Variants in SLC25A26 observed in about 807,000 individuals in gnomAD.
SLC25A26 encodes the protein solute carrier family 25 member 26.
Under a neutral mutation model 37.8 loss-of-function variants are expected in SLC25A26, and 36 were observed. The ratio of observed to expected loss-of-function variants is 0.95; its 90% CI spans 0.73 to 1.26. The LOEUF (loss-of-function observed/expected upper bound fraction) is 1.26. Ranked by LOEUF, SLC25A26 falls within the 50% of genes most tolerant of loss-of-function variation. The pLI, the probability that SLC25A26 is intolerant of heterozygous loss-of-function variation, is 0.00. For synonymous variants in SLC25A26, 129 were observed against 122.5 expected (o/e 1.05, Z -0.35); for missense variants, 390 against 331.1 (o/e 1.18, Z -1.38).
At chr3:66,211,502 T>C (rs2071283215) in intron 1 of SLC25A26, among the ~76,000 whole-genome samples, 1 of 152,244 alleles carries the variant, frequency 6.6e-6, no homozygotes, top group South Asian at 2.1e-4. Flanking sequence ...TTGCGGCTCT[T>C]AATATAGCTT....
rs886650637 is a variant in SLC25A26 at position 66,199,228 on chromosome 3, C to T, written c.-353-21514C>T. ...ACCCTGACACTACCCCTACCCTGAA[C>T]CTGACTCTCACCCTACCTTTACCCT... On this transcript the variant is annotated intron_variant, in intron 1 of 10. Coordinates refer to the SLC25A26 transcript ENST00000676754. Among the ~76,000 whole-genome samples, 3 of 152,058 alleles carry T rather than the reference C, an allele frequency of 2.0e-5. No individual in the cohort carries two copies. In the East Asian group the frequency reaches 5.8e-4, roughly 29 times the overall value.
Position 66,370,593 on chromosome 3 carries a change from G to A in SLC25A26, c.698G>A (p.Gly233Glu), listed in dbSNP as rs1700293864. Residue 233 changes from glycine to glutamate, a missense_variant, in exon 9 of 10, where the codon GGG (glycine) becomes GAG (glutamate). Transcript: ENST00000354883. The stretch of plus-strand genomic sequence containing the variant: ...CTGCATGGGGTCTGGCGGTCACAGG[G>A]GCTGGCAGGGTAAGACGAGGAATGC... ...SVLHGVWRSQGLAGLFAGVFP... is the reference protein window; with the variant it reads ...SVLHGVWRSQELAGLFAGVFP... The A allele has an allele frequency of 1.2e-6, 2 of 1,613,600 alleles. No homozygotes were observed. Among genetic ancestry groups the A allele is most frequent in the East Asian group, 2.2e-5 (1 of 44,864 alleles).
chr3:66,145,266 G>T (rs946424647), intron 1 of SLC25A26, among the ~76,000 whole-genome samples: 1 of 152,132 alleles, frequency 6.6e-6, no homozygotes, highest in African/African-American at 2.4e-5. Context: ...GGCTCATAAG[G>T]TTTGCATGAG....
chr3:66,342,951 A>G (rs2076242994), intron 5 of SLC25A26, among the ~76,000 whole-genome samples: 1 of 152,232 alleles, frequency 6.6e-6, no homozygotes, highest in Admixed American at 6.5e-5. Flanking sequence ...GCCATTTTGT[A>G]ACTTTAGGTG....
chr3:66,205,813 T>C (rs1287768369), intron 1 of SLC25A26, among the ~76,000 whole-genome samples: 2 of 152,176 alleles, frequency 1.3e-5, no homozygotes, highest in Admixed American at 1.3e-4. Context: ...CATTTGTTCA[T>C]AGGGCATCTG....
At chr3:66,153,730 C>T (rs529909498) in intron 1 of SLC25A26, among the ~76,000 whole-genome samples, 1 of 152,300 alleles carries the variant, frequency 6.6e-6, no homozygotes, top group East Asian at 1.9e-4. Context: ...ATATTTCGGG[C>T]TGCTAAAGCC....
intron 3 of SLC25A26, among the ~76,000 whole-genome samples, chr3:66,251,117 A>G (rs1259133371): frequency 2.0e-5 from 3 of 152,120 alleles, no homozygotes; most frequent in Non-Finnish European, 4.4e-5. Context: ...TAAGTTCCAT[A>G]TGTTTGGAGC....
chr3:66,213,557 A>G (rs2071316744), intron 1 of SLC25A26, among the ~76,000 whole-genome samples: 1 of 152,084 alleles, frequency 6.6e-6, no homozygotes, highest in African/African-American at 2.4e-5. Flanking sequence ...CCATACATGC[A>G]CAGCCTATGA....
At chr3:66,170,701 A>G (rs1202400404) in intron 1 of SLC25A26, among the ~76,000 whole-genome samples, 6 of 151,128 alleles carry the variant, frequency 4.0e-5, no homozygotes, top group Non-Finnish European at 8.8e-5. Flanking sequence ...CCATCCATCT[A>G]TAATCCCACA....
At chr3:66,155,025 A>G (rs748050352) in intron 1 of SLC25A26, among the ~76,000 whole-genome samples, 1 of 152,230 alleles carries the variant, frequency 6.6e-6, no homozygotes, top group Non-Finnish European at 1.5e-5. Flanking sequence ...CATTCCTGGT[A>G]CATAGTAGGC....
chr3:66,346,474 G>GAAGAGTAGA lies in SLC25A26; in HGVS notation c.498+68_498+76dup, dbSNP rs55937920. The GAAGAGTAGA allele has an allele frequency of 0.26, 202,437 of 763,956 alleles. 34,163 individuals carry two copies. Among genetic ancestry groups the GAAGAGTAGA allele is most frequent in the East Asian group, 0.63 (20,242 of 32,132 alleles). The allele number at this position is 763,956 out of a possible 1,614,324, so 47.3% of individuals were successfully genotyped here. On this transcript the variant is annotated intron_variant, in intron 6 of 9. Coordinates refer to ENST00000354883, the MANE Select transcript of SLC25A26 (RefSeq NM_001379210.1). The stretch of plus-strand genomic sequence containing the variant: ...TAACATACCTAATAGTTTGAGTGTG[G>GAAGAGTAGA]AAGAGTAGAACATAATGTTGACTAG...
chr3:66,279,302 A>G (rs934282600), intron 5 of SLC25A26, among the ~76,000 whole-genome samples: 4 of 152,036 alleles, frequency 2.6e-5, no homozygotes, highest in African/African-American at 9.7e-5. Context: ...TTGGGCTTCT[A>G]TTCTTGGGTC....
At chr3:66,188,460 C>A (rs1233201920) in intron 1 of SLC25A26, among the ~76,000 whole-genome samples, 1 of 152,062 alleles carries the variant, frequency 6.6e-6, no homozygotes, top group Non-Finnish European at 1.5e-5. Flanking sequence ...TGAGTGAGTT[C>A]TTGCTCTATT....
At chr3:66,356,033 T>C in intron 6 of SLC25A26, 1 of 456,240 alleles carries the variant, frequency 2.2e-6, no homozygotes, top group South Asian at 1.5e-5. Flanking sequence ...TCTTGTAGGG[T>C]TGGAAGCCAT....
chr3:66,265,912 T>C (rs2073729102), intron 5 of SLC25A26, among the ~76,000 whole-genome samples: 1 of 152,230 alleles, frequency 6.6e-6, no homozygotes, highest in South Asian at 2.1e-4. Flanking sequence ...GCCTTTTTTA[T>C]TTTTCTGAGA....
chr3:66,341,906 GTTC>G, intron 5 of SLC25A26, among the ~76,000 whole-genome samples: 1 of 152,178 alleles, frequency 6.6e-6, no homozygotes, highest in South Asian at 2.1e-4. Context: ...GCTTTGAATG[GTTC>G]TTACTTTTGT....
intron 1 of SLC25A26, among the ~76,000 whole-genome samples, chr3:66,177,199 C>T (rs569271105): frequency 7.2e-5 from 11 of 152,294 alleles, no homozygotes; most frequent in South Asian, 2.1e-4. Flanking sequence ...ACTGCAAATA[C>T]GCTGGGCACC....
chr3:66,310,343 A>G (rs928792528), intron 5 of SLC25A26, among the ~76,000 whole-genome samples: 1 of 151,910 alleles, frequency 6.6e-6, no homozygotes, highest in African/African-American at 2.4e-5. Flanking sequence ...TTTGCTTTCC[A>G]TTGGCTTGGT....
At chr3:66,209,016 AT>A (rs2071227396) in intron 1 of SLC25A26, among the ~76,000 whole-genome samples, 1 of 122,990 alleles carries the variant, frequency 8.1e-6, no homozygotes, top group Admixed American at 9.0e-5. Context: ...AGGTATATAT[AT>A]ATATACACAC....
Sources: allele counts gnomAD v4.1 joint callset (sites outside exome capture counted in the v4.1 genomes callset), GRCh38; gene constraint gnomAD v4.1.1; transcripts MANE v1.5; gene names NCBI Gene and HGNC (gene_info 2026-07-23, HGNC 2026-07-21).